Variants in SETD5 observed in about 807,000 individuals in gnomAD.
SETD5 encodes the protein SET domain containing 5, also known as histone-lysine N-methyltransferase SETD5.
A neutral mutation model predicts 153.3 loss-of-function variants in SETD5; 44 were observed. That is an observed-to-expected ratio of 0.29 (90% CI 0.23 to 0.37). The LOEUF is 0.37. Ranked by LOEUF, SETD5 falls within the 10% of genes least tolerant of loss-of-function variation. The pLI, the probability that SETD5 is intolerant of heterozygous loss-of-function variation, is 1.00. For missense variants in SETD5, 1,544 were observed against 1,768.0 expected, an observed-to-expected ratio of 0.87 and a Z score of 2.27; for synonymous variants, 716 against 645.2, an observed-to-expected ratio of 1.11 and a Z score of -1.66.
rs2045726835 is a variant in SETD5, at chr3:9,475,115, A to G, written c.3679A>G (p.Lys1227Glu). ...AGAGACATTAAGCTCAGCACTCTCTAAAGGAGCAACAGTTTACAGCCCTTC... is the reference window on the plus strand; with the variant it reads ...AGAGACATTAAGCTCAGCACTCTCTGAAGGAGCAACAGTTTACAGCCCTTC... ...GPETLSSALS[K>E]GATVYSPSRY... is the part of the protein sequence containing the mutation. The change falls in exon 22 of 23, where the codon AAA becomes GAA. Residue 1227 changes from lysine (K) to glutamate (E), a missense_variant. Lys to Glu is a moderately conservative substitution (Grantham distance 56). Transcript: ENST00000402198. 4 of 1,592,906 alleles carry G rather than the reference A, an allele frequency of 2.5e-6. No homozygotes were observed. The highest frequency in any genetic ancestry group is 3.4e-6 in the Non-Finnish European group (4 of 1,169,788).
At position 9,413,698 on chromosome 3, in the gene SETD5, T is replaced by G. The variant is rs796593270; in HGVS notation, c.-176-10769T>G. Among the ~76,000 whole-genome samples, 3 of 151,640 alleles carry G rather than the reference T, an allele frequency of 2.0e-5. No homozygotes were observed. In the South Asian group the frequency reaches 6.2e-4, roughly 32 times the overall value. ...TGTGTGTGTGTGTATTATTTATTTATTTTTTTAAGTTAATTGGCCTCTTCC... is the reference window on the plus strand; with the variant it reads ...TGTGTGTGTGTGTATTATTTATTTAGTTTTTTAAGTTAATTGGCCTCTTCC... On this transcript the variant is annotated intron_variant, in intron 1 of 22. Transcript: ENST00000402198.
intron 16 of SETD5, among the ~76,000 whole-genome samples, chr3:9,452,117 ATCTT>A (rs1429521510): frequency 2.0e-5 from 3 of 152,322 alleles, no homozygotes; most frequent in South Asian, 2.1e-4. Context: ...CCATGGTAGC[ATCTT>A]TCTTCTAGAA....
rs529596973 is a variant in SETD5 at position 9,476,186 on chromosome 3, G to A, written c.*95G>A. The A allele has an allele frequency of 1.8e-4, 267 of 1,461,194 alleles. 1 individual carries two copies. The African/African-American group carries it at 2.9e-3, about 16-fold the overall frequency. The allele number at this position is 1,461,194 out of a possible 1,614,324, so 90.5% of individuals were successfully genotyped here. ...TAGGCCGAGCATATTGCTGAGGAACGGGGGGTACAAGGTGCCAGAGGATTG... is the reference window on the plus strand; with the variant it reads ...TAGGCCGAGCATATTGCTGAGGAACAGGGGGTACAAGGTGCCAGAGGATTG... On this transcript the variant is annotated 3_prime_UTR_variant, in exon 23 of 23. Transcript: ENST00000402198.
At chr3:9,455,159 TC>T (rs1186840415) in intron 17 of SETD5, among the ~76,000 whole-genome samples, 4 of 144,886 alleles carry the variant, frequency 2.8e-5, no homozygotes, top group Non-Finnish European at 4.5e-5. Context: ...TGCCTTTTTT[TC>T]TTTTTTTCTT....
chr3:9,414,280 G>A (rs1466465066), intron 1 of SETD5, among the ~76,000 whole-genome samples: 1 of 152,168 alleles, frequency 6.6e-6, no homozygotes, highest in African/African-American at 2.4e-5. Flanking sequence ...TCAGATGTAG[G>A]AAGAGTTGGA....
chr3:9,403,492 C>G (rs909609482), intron 1 of SETD5, among the ~76,000 whole-genome samples: 2 of 152,118 alleles, frequency 1.3e-5, no homozygotes. Context: ...AATAGTTGCT[C>G]GTAGTTGTCT....
chr3:9,473,576 T>G (rs1559494646), intron 20 of SETD5, 39 bp downstream of exon 20: 30 of 1,469,564 alleles, frequency 2.0e-5, no homozygotes, highest in East Asian at 2.6e-5. Flanking sequence ...AAATTGGGGG[T>G]GGGGGGGAGT....
intron 7 of SETD5, among the ~76,000 whole-genome samples, chr3:9,440,120 A>G (rs139337884): frequency 3.2e-4 from 48 of 152,352 alleles, no homozygotes; most frequent in African/African-American, 1.2e-3. Flanking sequence ...TATGAACTTG[A>G]TGTCAGTCCT....
chr3:9,428,132 G>A (rs1401694887), intron 2 of SETD5, among the ~76,000 whole-genome samples: 1 of 152,094 alleles, frequency 6.6e-6, no homozygotes, highest in Non-Finnish European at 1.5e-5. Flanking sequence ...TGCACCCTCT[G>A]CACCCACGCA....
At chr3:9,433,631 T>C (rs2040224300) in intron 3 of SETD5, 8 of 984,920 alleles carry the variant, frequency 8.1e-6, no homozygotes, top group African/African-American at 1.7e-5. Flanking sequence ...CTGCCTGTAC[T>C]GGCTTCATGT....
In SETD5 at chr3:9,470,978, G is replaced by A. The variant is rs73130125; in HGVS notation, c.3195+49G>A. ...CGAACTTTTCAAGAATGTTAACCAA[G>A]TAGTTTAGTAGATATTCATAAGTTT... On this transcript the variant is annotated intron_variant, in intron 19 of 22. Coordinates refer to ENST00000402198, the MANE Select transcript of SETD5 (RefSeq NM_001080517.3). 1.7e-4 allele frequency: 156 copies of A among 942,140 alleles called. No homozygotes were observed. The African/African-American group carries it at 2.3e-3, about 14-fold the overall frequency. The allele number at this position is 942,140 out of a possible 1,614,324, so 58.4% of individuals were successfully genotyped here. A position where few individuals can be genotyped will look rare whatever the true frequency, so the allele number is the denominator to read the frequency against.
intron 10 of SETD5, 104 bp downstream of exon 10, chr3:9,442,349 AGTC>A (rs1034702525): frequency 8.8e-6 from 7 of 791,672 alleles, no homozygotes; most frequent in East Asian, 2.7e-5. Flanking sequence ...TGTAGATAAT[AGTC>A]GTGATATTTC....
chr3:9,475,716 A>G lies in SETD5; in HGVS notation c.3954A>G (p.Pro1318=). 1 of 1,613,916 alleles carries G rather than the reference A, an allele frequency of 6.2e-7. No individual in the cohort carries two copies. The highest frequency in any genetic ancestry group is 8.5e-7 in the Non-Finnish European group (1 of 1,179,862). Residue 1318 remains proline, a synonymous_variant, in exon 23 of 23, where the codon CCA becomes CCG. Coordinates refer to ENST00000402198, the MANE Select transcript of SETD5 (RefSeq NM_001080517.3). ...TDSLAPFTGT[P]GYFSSQPHSG... ...CGTTGGCCCCATTTACGGGGACACC[A>G]GGGTATTTTAGCAGCCAGCCACATT...
In SETD5 at chr3:9,440,787, C is replaced by CA. The variant is rs2125173210; in HGVS notation, c.810+92dup. The CA allele has an allele frequency of 2.8e-6, 4 of 1,447,780 alleles. No individual in the cohort carries two copies. The South Asian group carries it at 5.5e-5, about 20-fold the overall frequency. The allele number at this position is 1,447,780 out of a possible 1,614,324, so 89.7% of individuals were successfully genotyped here. ...AATGGATTGGAATTACTGTTCCTTC[C>CA]AAATGTACAAGGCCATGGAATAACA... On this transcript the variant is annotated intron_variant, in intron 8 of 22. Transcript: ENST00000402198.
chr3:9,436,216 A>G (rs972238581), intron 7 of SETD5, among the ~76,000 whole-genome samples: 1 of 152,188 alleles, frequency 6.6e-6, no homozygotes, highest in African/African-American at 2.4e-5. Flanking sequence ...CTATCCTTAC[A>G]GTATCTCCCC....
rs548131765 is a variant in SETD5 at position 9,447,261 on chromosome 3, C to T, written c.1736C>T (p.Thr579Ile). 6.2e-7 allele frequency: 1 copy of T among 1,614,034 alleles called. No homozygotes were observed. Among genetic ancestry groups the T allele is most frequent in the Admixed American group, 1.7e-5 (1 of 60,032 alleles). Residue 579 changes from threonine (T) to isoleucine (I), a missense_variant, in exon 14 of 23, where the codon ACC becomes ATC. Coordinates refer to ENST00000402198, the MANE Select transcript of SETD5 (RefSeq NM_001080517.3). ...GTTTCAAATGTTACCATCCCAAGCA[C>T]CCCACAGAGTGTTGGTGTGAATACC... is the stretch of plus-strand genomic sequence containing the variant. ...NSVSNVTIPS[T>I]PQSVGVNTRR...
chr3:9,466,726 G>A (rs1208422855), intron 18 of SETD5, among the ~76,000 whole-genome samples: 2 of 152,100 alleles, frequency 1.3e-5, no homozygotes, highest in East Asian at 1.9e-4. Context: ...AAGGTGTCAC[G>A]TATAAAGACC....
At chr3:9,457,799 G>A (rs2043445559) in intron 17 of SETD5, among the ~76,000 whole-genome samples, 1 of 141,984 alleles carries the variant, frequency 7.0e-6, no homozygotes, top group African/African-American at 2.6e-5. Flanking sequence ...TGTTCATTAT[G>A]GAAAGAATAT....
At position 9,475,751 on chromosome 3, in the gene SETD5, G is replaced by A; in HGVS notation, c.3989G>A (p.Ser1330Asn). Residue 1330 changes from serine (S) to asparagine (N), a missense_variant, in exon 23 of 23, where the codon AGC (serine) becomes AAC (asparagine). Coordinates refer to ENST00000402198, the MANE Select transcript of SETD5 (RefSeq NM_001080517.3). ...AGCAGCCAGCCACATTCTGGAAACA[G>A]CACTGGCAGCAATCTTCCAAGGAGG... ...YFSSQPHSGN[S>N]TGSNLPRRSC... 1 of 1,613,950 alleles carries A rather than the reference G, an allele frequency of 6.2e-7. No homozygotes were observed. Among genetic ancestry groups the A allele is most frequent in the Non-Finnish European group, 8.5e-7 (1 of 1,179,848 alleles).
Sources: allele counts gnomAD v4.1 joint callset (sites outside exome capture counted in the v4.1 genomes callset), GRCh38; gene constraint gnomAD v4.1.1; transcripts MANE v1.5; gene names NCBI Gene and HGNC (gene_info 2026-07-23, HGNC 2026-07-21).